Variants in DEFB121 observed in about 807,000 individuals in gnomAD.
DEFB121 encodes beta-defensin 121.
In DEFB121, 5 loss-of-function variants were observed where a neutral mutation model predicts 2.5. The observed-to-expected ratio is 1.96, with a 90% CI of 1.03 to 4.13. The LOEUF (loss-of-function observed/expected upper bound fraction) is 4.13. Ranked by LOEUF, DEFB121 falls within the 30% of genes most tolerant of loss-of-function variation. The pLI is 0.00. For synonymous variants in DEFB121, 39 were observed against 32.6 expected, an observed-to-expected ratio of 1.20 and a Z score of -0.67; for missense variants, 87 against 85.0, an observed-to-expected ratio of 1.02 and a Z score of -0.09.
upstream of DEFB121, among the ~76,000 whole-genome samples, chr20:31,408,042 G>GGA (rs1281039438): frequency 7.9e-5 from 12 of 152,330 alleles, no homozygotes; most frequent in Non-Finnish European, 1.5e-4. Flanking sequence ...GCCTCCCAAA[G>GGA]TGCTGGGATT....
At chr20:31,407,780 T>C (rs1978530544), upstream of DEFB121, among the ~76,000 whole-genome samples, 1 of 152,202 alleles carries the variant, frequency 6.6e-6, no homozygotes, top group Admixed American at 6.5e-5. Flanking sequence ...CTTTCTTTTC[T>C]TTTTCTTTTT....
intron 1 of DEFB121, among the ~76,000 whole-genome samples, chr20:31,411,979 C>T (rs1233562988): frequency 6.6e-6 from 1 of 152,230 alleles, no homozygotes; most frequent in East Asian, 1.9e-4. Flanking sequence ...TGGCCATTGA[C>T]TCTTGCTTTG....
upstream of DEFB121, among the ~76,000 whole-genome samples, chr20:31,410,359 G>C (rs1978623517): frequency 6.6e-6 from 1 of 152,170 alleles, no homozygotes; most frequent in South Asian, 2.1e-4. Flanking sequence ...GGGACTACTA[G>C]AGTCAGGAGA....
chr20:31,411,579 AG>A (rs1324393679), intron 1 of DEFB121, among the ~76,000 whole-genome samples: 1 of 152,090 alleles, frequency 6.6e-6, no homozygotes, highest in Non-Finnish European at 1.5e-5. Context: ...AAAAAAAAAA[AG>A]AAAGCGATAA....
At chr20:31,406,253 G>GAGC, upstream of DEFB121, 1 of 1,525,356 alleles carries the variant, frequency 6.6e-7, no homozygotes, top group Non-Finnish European at 8.8e-7. Flanking sequence ...TTGCCTTGAG[G>GAGC]AGCATGGCAG....
chr20:31,417,801 A>G (rs2067564943), upstream of DEFB121, among the ~76,000 whole-genome samples: 1 of 152,012 alleles, frequency 6.6e-6, no homozygotes, highest in Admixed American at 6.6e-5. Context: ...CGTCTCTACT[A>G]AAAATACAAA....
At chr20:31,407,636 A>G (rs1361013311), upstream of DEFB121, among the ~76,000 whole-genome samples, 1 of 152,214 alleles carries the variant, frequency 6.6e-6, no homozygotes, top group Non-Finnish European at 1.5e-5. Flanking sequence ...CTAGCCAAAT[A>G]TAAAGGATTG....
chr20:31,409,435 A>G (rs1237863679), upstream of DEFB121, among the ~76,000 whole-genome samples: 1 of 152,232 alleles, frequency 6.6e-6, no homozygotes, highest in Non-Finnish European at 1.5e-5. Flanking sequence ...CTGCTATGCA[A>G]CATACGGATG....
chr20:31,412,454 TC>T (rs1286394230), intron 1 of DEFB121, among the ~76,000 whole-genome samples: 1 of 152,198 alleles, frequency 6.6e-6, no homozygotes, highest in Non-Finnish European at 1.5e-5. Context: ...AGTTAATCTC[TC>T]TGAACTTCAG....
chr20:31,405,154 GGCTAAA>G, intron 1 of DEFB121, 69 bp from the exon 2 acceptor site: 5 of 1,487,444 alleles, frequency 3.4e-6, no homozygotes, highest in Non-Finnish European at 4.5e-6. Flanking sequence ...GAAAGGAAGA[GGCTAAA>G]GCCCAGTAGA....
upstream of DEFB121, among the ~76,000 whole-genome samples, chr20:31,407,293 T>C (rs933176425): frequency 1.3e-5 from 2 of 152,128 alleles, no homozygotes; most frequent in Admixed American, 1.3e-4. Flanking sequence ...TTGGCCCTAC[T>C]TCTTCATCCC....
the DEFB121 span, among the ~76,000 whole-genome samples, chr20:31,418,276 A>G: frequency 1.1e-4 from 17 of 149,712 alleles, 1 homozygote; most frequent in East Asian, 3.9e-4. Context: ...AAAAAAAAAA[A>G]AAAAAAGAAA....
chr20:31,405,050 T>C lies in DEFB121; in HGVS notation c.94A>G (p.Thr32Ala). ...TATACTTCACTTTCTTTACATGTTG[T>C]TCTGCACCTGCCTGACTTGCCCCAA... ...KCWGKSGRCR[T>A]TCKESEVYYI... Residue 32 changes from threonine to alanine, a missense_variant, in exon 2 of 2, where the codon ACA becomes GCA. Coordinates refer to ENST00000376314, the MANE Select transcript of DEFB121 (RefSeq NM_001011878.3). 1 of 1,608,096 alleles carries C rather than the reference T, an allele frequency of 6.2e-7. No homozygotes were observed. The highest frequency in any genetic ancestry group is 8.5e-7 in the Non-Finnish European group (1 of 1,178,560).
chr20:31,412,585 C>A (rs972784074), intron 1 of DEFB121: 10 of 1,286,698 alleles, frequency 7.8e-6, no homozygotes, highest in Non-Finnish European at 9.1e-6. Context: ...AAGCCTCTGA[C>A]AACTGGTAGT....
chr20:31,406,876 T>C (rs1978497511), upstream of DEFB121, among the ~76,000 whole-genome samples: 1 of 151,494 alleles, frequency 6.6e-6, no homozygotes, highest in Admixed American at 6.6e-5. Flanking sequence ...CATAGCTCAC[T>C]GGAACCTCGA....
chr20:31,415,965 ATG>A (rs907576750), upstream of DEFB121, among the ~76,000 whole-genome samples: 16 of 152,212 alleles, frequency 1.1e-4, no homozygotes, highest in African/African-American at 2.7e-4. Flanking sequence ...TTGAATGCAA[ATG>A]TAAAATACTT....
chr20:31,405,856 A>G (rs1391509111), intron 1 of DEFB121, among the ~76,000 whole-genome samples: 2 of 152,224 alleles, frequency 1.3e-5, no homozygotes, highest in Non-Finnish European at 2.9e-5. Context: ...TCCTCAGGTC[A>G]TCACGTTCAG....
At chr20:31,413,191 G>A (rs1422743580), upstream of DEFB121, among the ~76,000 whole-genome samples, 1 of 152,224 alleles carries the variant, frequency 6.6e-6, no homozygotes, top group Admixed American at 6.5e-5. Context: ...AAGGTGCGGG[G>A]AGATGAGGCC....
upstream of DEFB121, among the ~76,000 whole-genome samples, chr20:31,417,535 G>A (rs1978841326): frequency 6.6e-6 from 1 of 152,094 alleles, no homozygotes; most frequent in Admixed American, 6.5e-5. Context: ...CAGGGAACAG[G>A]AAAAACAAAG....
Sources: allele counts gnomAD v4.1 joint callset (sites outside exome capture counted in the v4.1 genomes callset), GRCh38; gene constraint gnomAD v4.1.1; transcripts MANE v1.5; gene names NCBI Gene and HGNC (gene_info 2026-07-23, HGNC 2026-07-21).